The following CREBBP variants were observed in gnomAD, a reference collection of about 807,000 sequenced individuals.
CREBBP encodes the protein CREB binding lysine acetyltransferase.
Under a neutral mutation model 265.0 loss-of-function variants are expected in CREBBP, and 19 were observed. That is an observed-to-expected ratio of 0.07 (90% CI 0.05 to 0.11). The LOEUF (loss-of-function observed/expected upper bound fraction) is 0.11. CREBBP is among the 10% of genes least tolerant of loss of function. The pLI is 1.00. For missense variants in CREBBP, 2,525 were observed against 3,219.0 expected, an observed-to-expected ratio of 0.78 and a Z score of 5.22; for synonymous variants, 1,457 against 1,223.7, an observed-to-expected ratio of 1.19 and a Z score of -3.98.
chr16:3,877,705 G>A (rs1247934195), intron 1 of CREBBP, among the ~76,000 whole-genome samples: 2 of 152,224 alleles, frequency 1.3e-5, no homozygotes, highest in Non-Finnish European at 2.9e-5. Flanking sequence ...GCGCCCAGCA[G>A]CCCCTTGTTT....
At chr16:3,756,753 T>C (rs1348639731) in intron 19 of CREBBP, among the ~76,000 whole-genome samples, 1 of 152,120 alleles carries the variant, frequency 6.6e-6, no homozygotes, top group African/African-American at 2.4e-5. Flanking sequence ...ACCAGGCAAA[T>C]ATTTGCAGGT....
intron 2 of CREBBP, among the ~76,000 whole-genome samples, chr16:3,849,428 T>TGTGTGGG (rs1567360145): frequency 1.3e-4 from 1 of 7,940 alleles, no homozygotes; most frequent in Non-Finnish European, 1.5e-3. Context: ...TGTGTGTGTG[T>TGTGTGGG]GTGTGTGTGT....
intron 2 of CREBBP, 36 bp downstream of exon 2, chr16:3,850,261 A>G: frequency 6.2e-7 from 1 of 1,608,394 alleles, no homozygotes; most frequent in South Asian, 1.1e-5. Flanking sequence ...GCCCGCGGTT[A>G]GGTAGGAAGT....
intron 23 of CREBBP, chr16:3,740,807 G>T (rs1033252864): frequency 1.9e-6 from 1 of 524,278 alleles, no homozygotes; most frequent in Non-Finnish European, 3.5e-6. Context: ...TAACAGTATG[G>T]GGCAGAAGAC....
intron 11 of CREBBP, among the ~76,000 whole-genome samples, chr16:3,777,266 C>T (rs867371574): frequency 9.9e-5 from 15 of 151,878 alleles, no homozygotes; most frequent in East Asian, 3.9e-4. Context: ...ACCCAGGAGG[C>T]GGAGCTTGCA....
intron 1 of CREBBP, among the ~76,000 whole-genome samples, chr16:3,873,885 G>A (rs1177049966): frequency 6.6e-6 from 1 of 152,090 alleles, no homozygotes; most frequent in Non-Finnish European, 1.5e-5. Context: ...GAACTTTAAG[G>A]GACAAATACT....
chr16:3,753,795 GC>G (rs1219445427), intron 19 of CREBBP, among the ~76,000 whole-genome samples: 2 of 152,116 alleles, frequency 1.3e-5, no homozygotes, highest in Non-Finnish European at 2.9e-5. Context: ...CTAATTGAGT[GC>G]CCCATTCATG....
At chr16:3,814,070 C>G (rs147521080) in intron 2 of CREBBP, among the ~76,000 whole-genome samples, 8 of 152,286 alleles carry the variant, frequency 5.3e-5, no homozygotes, top group African/African-American at 1.9e-4. Flanking sequence ...GACAATTTTC[C>G]TAAGATAGCC....
rs538795828 is a variant in CREBBP at position 3,732,706 on chromosome 16, A to C, written c.4729-769T>G. Among the ~76,000 whole-genome samples, 296 of 151,590 alleles carry C rather than the reference A, an allele frequency of 2.0e-3. 2 individuals carry two copies. The highest frequency in any genetic ancestry group is 6.9e-3 in the African/African-American group (283 of 41,302). On this transcript the variant is annotated intron_variant, in intron 28 of 30. Transcript: ENST00000262367. ...CACCCGCCACCATGCCCGGCTACCT[A>C]TCATTTTTTTTGAGACAGAGTCTCG...
chr16:3,797,162 C>A (rs1039749442), intron 3 of CREBBP, among the ~76,000 whole-genome samples: 2 of 152,168 alleles, frequency 1.3e-5, no homozygotes, highest in African/African-American at 2.4e-5. Context: ...TACTTCGGAA[C>A]CTCCCTTTAA....
intron 22 of CREBBP, 57 bp from the exon 23 acceptor site, chr16:3,745,018 AAC>A (rs2052307804): frequency 7.9e-7 from 1 of 1,269,706 alleles, no homozygotes. Flanking sequence ...TTGTCAAACC[AAC>A]AAAATGCAGC....
rs1256629092 is a variant in CREBBP, at chr16:3,867,570, T to C, written c.85+12262A>G. ...CATTAAAATTGTTTTGTGTTATTTA[T>C]CTAAATGCAGCACCAAAACATTTTA... On this transcript the variant is annotated intron_variant, in intron 1 of 30. Transcript: ENST00000262367. Among the ~76,000 whole-genome samples, 3 of 152,222 alleles carry C rather than the reference T, an allele frequency of 2.0e-5. No homozygotes were observed. The South Asian group carries it at 6.2e-4, about 32-fold the overall frequency.
intron 1 of CREBBP, among the ~76,000 whole-genome samples, chr16:3,851,833 C>T (rs2054845811): frequency 8.4e-6 from 1 of 118,378 alleles, no homozygotes; most frequent in East Asian, 2.5e-4. Flanking sequence ...CGCAGTCCGA[C>T]CTGGGCGACA....
At chr16:3,879,655 A>T (rs2055481687) in intron 1 of CREBBP, among the ~76,000 whole-genome samples, 177 bp downstream of exon 1, 1 of 152,106 alleles carries the variant, frequency 6.6e-6, no homozygotes, top group Non-Finnish European at 1.5e-5. Flanking sequence ...ACTCGGGCCC[A>T]GTGACAGTCC....
Position 3,740,565 on chromosome 16 carries a change from G to T in CREBBP, c.3983-16C>A. 1 of 1,614,164 alleles carries T rather than the reference G, an allele frequency of 6.2e-7. No homozygotes were observed. The highest frequency in any genetic ancestry group is 8.5e-7 in the Non-Finnish European group (1 of 1,180,020). The stretch of plus-strand genomic sequence containing the variant: ...GTCTGCAGCCCTAGGAAGTCCAGAA[G>T]GAGCAGGTGAGAGGGCTTCAACAGC... On this transcript the variant is annotated splice_polypyrimidine_tract_variant and intron_variant, in intron 23 of 30. Coordinates refer to ENST00000262367, the MANE Select transcript of CREBBP (RefSeq NM_004380.3).
At chr16:3,879,801 G>T (rs1427896541) in intron 1 of CREBBP, 31 bp downstream of exon 1, 2 of 1,551,044 alleles carry the variant, frequency 1.3e-6, no homozygotes, top group East Asian at 2.4e-5. Flanking sequence ...AGCGCGCCCC[G>T]GGCCCCCGCC....
At chr16:3,744,797 G>A in intron 23 of CREBBP, 97 bp downstream of exon 23, 3 of 944,102 alleles carry the variant, frequency 3.2e-6, no homozygotes, top group Non-Finnish European at 5.2e-6. Flanking sequence ...CCGAACCTCA[G>A]AACCATGTGT....
intron 1 of CREBBP, among the ~76,000 whole-genome samples, chr16:3,857,394 T>C (rs926557148): frequency 4.6e-5 from 7 of 152,206 alleles, no homozygotes; most frequent in African/African-American, 1.7e-4. Context: ...AAAGGCAAGA[T>C]AGGGCGCACA....
intron 3 of CREBBP, among the ~76,000 whole-genome samples, chr16:3,805,323 T>A (rs1217828086): frequency 1.3e-5 from 2 of 152,208 alleles, no homozygotes; most frequent in African/African-American, 4.8e-5. Flanking sequence ...ATAGTGTAAT[T>A]TTTCTATAGA....
Sources: allele counts gnomAD v4.1 joint callset (sites outside exome capture counted in the v4.1 genomes callset), GRCh38; gene constraint gnomAD v4.1.1; transcripts MANE v1.5; gene names NCBI Gene and HGNC (gene_info 2026-07-23, HGNC 2026-07-21).